The following TJP2 variants were observed in gnomAD, a reference collection of about 807,000 sequenced individuals.
TJP2 encodes the protein tight junction protein 2.
In TJP2, 91 loss-of-function variants were observed where a neutral mutation model predicts 133.1. The observed-to-expected ratio is 0.68, with a 90% CI of 0.58 to 0.81. TJP2 has a LOEUF of 0.81. Ranked by LOEUF, TJP2 falls within the 40% of genes least tolerant of loss-of-function variation. The pLI is 0.00. For missense variants in TJP2, 1,541 were observed against 1,565.6 expected (o/e 0.98, Z 0.26); for synonymous variants, 592 against 583.4 (o/e 1.01, Z -0.21).
At chr9:69,173,269 G>T (rs1261047224), upstream of TJP2, among the ~76,000 whole-genome samples, 1 of 152,138 alleles carries the variant, frequency 6.6e-6, no homozygotes, top group African/African-American at 2.4e-5. Flanking sequence ...TTACAAGATG[G>T]TTTTTTAAGA....
At position 69,225,351 on chromosome 9, in the gene TJP2, C is replaced by G. The variant is rs1182781290; in HGVS notation, c.1000C>G (p.Arg334Gly). 3 of 1,613,876 alleles carry G rather than the reference C, an allele frequency of 1.9e-6. No individual in the cohort carries two copies. The highest frequency in any genetic ancestry group is 2.2e-5 in the East Asian group (1 of 44,866). Residue 334 changes from arginine (R) to glycine (G), a missense_variant, in exon 6 of 23, where the codon CGA (arginine) becomes GGA (glycine). Transcript: ENST00000377245. ...GSQIFVKEMT[R>G]TGLATKDGNL... Reference sequence around the variant, plus strand: ...TCAGATCTTCGTAAAGGAAATGACCCGAACGGGTCTGGCAACTAAAGATGG... The same window carrying G: ...TCAGATCTTCGTAAAGGAAATGACCGGAACGGGTCTGGCAACTAAAGATGG...
At position 69,230,288 on chromosome 9, in the gene TJP2, G is replaced by C. The variant is rs1362397572; in HGVS notation, c.1671+56G>C. ...TTACTTGTAAGGAGTGCACTTTTCTGGGTGTTCTTTCTGTAAGGGAAGACA... is the reference window on the plus strand; with the variant it reads ...TTACTTGTAAGGAGTGCACTTTTCTCGGTGTTCTTTCTGTAAGGGAAGACA... On this transcript the variant is annotated intron_variant, in intron 11 of 22. Transcript: ENST00000377245. The C allele has an allele frequency of 1.9e-6, 3 of 1,609,652 alleles. No homozygotes were observed. In the East Asian group the frequency reaches 6.7e-5, roughly 36 times the overall value.
intron 1 of TJP2, chr9:69,205,288 G>A (rs1225478667): frequency 1.3e-6 from 2 of 1,537,060 alleles, no homozygotes; most frequent in African/African-American, 2.7e-5. Context: ...TTCATGGGAA[G>A]GGGAGGGAAG....
rs376434139 is a variant in TJP2 at position 69,221,431 on chromosome 9, G to A, written c.887G>A (p.Ser296Asn). The A allele has an allele frequency of 1.5e-4, 243 of 1,590,050 alleles. No individual in the cohort carries two copies. The highest frequency in any genetic ancestry group is 3.5e-5 in the Admixed American group (2 of 56,846). The change falls in exon 5 of 23, where the codon AGC becomes AAC. Residue 296 changes from serine to asparagine, a missense_variant. By Grantham distance (46) the Ser-to-Asn change is conservative. Coordinates refer to ENST00000377245, the MANE Select transcript of TJP2 (RefSeq NM_004817.4). Reference sequence around the variant, plus strand: ...GAGCACCCGCACTCACGGAGCCCCAGCCCCGAGCCTAGGGGGCGGCCGGGG... The same window carrying A: ...GAGCACCCGCACTCACGGAGCCCCAACCCCGAGCCTAGGGGGCGGCCGGGG... Reference protein sequence around the residue: ...SREHPHSRSPSPEPRGRPGPI... With the variant: ...SREHPHSRSPNPEPRGRPGPI...
chr9:69,172,918 AATGCCTTAC>A (rs1232868677), upstream of TJP2, among the ~76,000 whole-genome samples: 1 of 152,162 alleles, frequency 6.6e-6, no homozygotes, highest in East Asian at 1.9e-4. Context: ...TCAGGAGAGC[AATGCCTTAC>A]ATCAGGAATA....
chr9:69,212,977 T>TACATAAGGTATAATAC (rs1380390845), intron 2 of TJP2, among the ~76,000 whole-genome samples: 1 of 152,146 alleles, frequency 6.6e-6, no homozygotes, highest in African/African-American at 2.4e-5. Context: ...ACCTTATAAC[T>TACATAAGGTATAATAC]CTTAAAAAGT....
rs1220682051 is a variant in TJP2, at chr9:69,251,147, A to G, written c.3104A>G (p.Tyr1035Cys). Residue 1035 changes from tyrosine to cysteine, a missense_variant, in exon 21 of 23, where the codon TAT becomes TGT. Physicochemically the swap from Tyr to Cys is radical, Grantham distance 194 (BLOSUM62 -2). Coordinates refer to ENST00000377245, the MANE Select transcript of TJP2 (RefSeq NM_004817.4). The part of the protein sequence containing the change: ...NETPGASTKG[Y>C]PPPVAAKPTF... Reference sequence around the variant, plus strand: ...ACTCCTGGGGCATCTACCAAAGGTTATCCTCCTCCTGTTGCAGCAAAACCT... The same window carrying G: ...ACTCCTGGGGCATCTACCAAAGGTTGTCCTCCTCCTGTTGCAGCAAAACCT... 2 of 1,614,172 alleles carry G rather than the reference A, an allele frequency of 1.2e-6. No homozygotes were observed. The highest frequency in any genetic ancestry group is 3.3e-5 in the Admixed American group (2 of 60,018).
intron 14 of TJP2, 120 bp downstream of exon 14, chr9:69,237,256 T>C (rs1830256605): frequency 1.6e-6 from 2 of 1,226,970 alleles, no homozygotes; most frequent in Non-Finnish European, 2.4e-6. Context: ...AAAGGCAGTT[T>C]ATAGAGTTGA....
At chr9:69,225,447 C>A in intron 6 of TJP2, 40 bp downstream of exon 6, 2 of 1,309,606 alleles carry the variant, frequency 1.5e-6, no homozygotes, top group Non-Finnish European at 2.2e-6. Flanking sequence ...GTGCATACTG[C>A]CGTTCATCGC....
intron 1 of TJP2, among the ~76,000 whole-genome samples, chr9:69,147,540 G>A (rs922459629): frequency 3.9e-5 from 6 of 152,118 alleles, no homozygotes; most frequent in Non-Finnish European, 5.9e-5. Flanking sequence ...AGACAGAAAC[G>A]GGATGTTCTT....
chr9:69,226,686 AC>A (rs1407639690), intron 7 of TJP2, among the ~76,000 whole-genome samples: 1 of 152,102 alleles, frequency 6.6e-6, no homozygotes, highest in African/African-American at 2.4e-5. Flanking sequence ...TTTAGTAGAG[AC>A]GGGGTTTCAC....
chr9:69,205,153 C>T (rs1194251214), intron 1 of TJP2: 1 of 1,537,050 alleles, frequency 6.5e-7, no homozygotes, highest in African/African-American at 1.4e-5. Flanking sequence ...CCATGCATCT[C>T]CAGAGACCAT....
At chr9:69,177,972 C>A (rs1321686185) in intron 1 of TJP2, among the ~76,000 whole-genome samples, 1 of 152,026 alleles carries the variant, frequency 6.6e-6, no homozygotes, top group Non-Finnish European at 1.5e-5. Flanking sequence ...ACAGCTAGAG[C>A]CCCAGAAGAC....
chr9:69,181,250 T>C (rs969643884), intron 1 of TJP2, among the ~76,000 whole-genome samples: 14 of 137,350 alleles, frequency 1.0e-4, no homozygotes, highest in African/African-American at 3.4e-4. Context: ...CTTTTTTTTT[T>C]TTTTTTTTTT....
chr9:69,206,450 G>A (rs1827414464), intron 1 of TJP2, among the ~76,000 whole-genome samples: 1 of 151,968 alleles, frequency 6.6e-6, no homozygotes, highest in African/African-American at 2.4e-5. Context: ...AATTCTAACT[G>A]CATTGAAAAA....
intron 1 of TJP2, among the ~76,000 whole-genome samples, chr9:69,180,365 A>G (rs1175333080): frequency 6.6e-6 from 1 of 152,244 alleles, no homozygotes; most frequent in Non-Finnish European, 1.5e-5. Context: ...AGAAAACAGT[A>G]CTTTCTAGTC....
intron 1 of TJP2, among the ~76,000 whole-genome samples, chr9:69,137,619 C>T (rs1189437949): frequency 1.3e-5 from 2 of 152,012 alleles, no homozygotes; most frequent in Admixed American, 1.3e-4. Context: ...CCGCTTCGGC[C>T]TCCCAAAGTG....
chr9:69,145,560 C>T (rs1165914414), intron 1 of TJP2: 1 of 426,356 alleles, frequency 2.3e-6, no homozygotes, highest in Non-Finnish European at 3.9e-6. Flanking sequence ...TCTGCCCCCC[C>T]ATCACCACGG....
intron 1 of TJP2, among the ~76,000 whole-genome samples, chr9:69,150,544 C>T (rs915555140): frequency 8.6e-5 from 13 of 151,972 alleles, no homozygotes; most frequent in African/African-American, 2.9e-4. Context: ...GTGATCCACC[C>T]GCCTCAGCCT....
Sources: allele counts gnomAD v4.1 joint callset (sites outside exome capture counted in the v4.1 genomes callset), GRCh38; gene constraint gnomAD v4.1.1; transcripts MANE v1.5; gene names NCBI Gene and HGNC (gene_info 2026-07-23, HGNC 2026-07-21).